Variants in ZNF483 observed in about 807,000 individuals in gnomAD.
ZNF483 encodes the protein zinc finger protein 483, also known as zinc finger protein HIT-10.
In ZNF483, 9 loss-of-function variants were observed where a neutral mutation model predicts 28.6. That is an observed-to-expected ratio of 0.32 (90% CI 0.19 to 0.55). The LOEUF (loss-of-function observed/expected upper bound fraction) is 0.55, where lower values mean the gene tolerates loss of function less well. Ranked by LOEUF, ZNF483 falls within the 20% of genes least tolerant of loss-of-function variation. The pLI is 0.93. For synonymous variants in ZNF483, 322 were observed against 306.2 expected, an observed-to-expected ratio of 1.05 and a Z score of -0.54; for missense variants, 675 against 871.7, an observed-to-expected ratio of 0.77 and a Z score of 2.84.
rs1589280731 is a variant in ZNF483, at chr9:111,550,215, T to C, written c.*7045T>C. On this transcript the variant is annotated 3_prime_UTR_variant, in exon 6 of 6. Coordinates refer to ENST00000309235, the MANE Select transcript of ZNF483 (RefSeq NM_133464.5). The stretch of plus-strand genomic sequence containing the variant: ...GGAGCAATGGCTTTCTGAATTCACC[T>C]AGATACACAGTTTTTTGAATGTCCA... Among the ~76,000 whole-genome samples the C allele has an allele frequency of 6.6e-6, 1 of 152,348 alleles. No homozygotes were observed. The highest frequency in any genetic ancestry group is 2.4e-5 in the African/African-American group (1 of 41,584).
At position 111,545,490 on chromosome 9, in the gene ZNF483, T is replaced by G. The variant is rs1827785381; in HGVS notation, c.*2320T>G. Reference sequence around the variant, plus strand: ...ACAATTCAGTGAGTTTTAGTAAATATGCTGAGTTGTGCAACCATTACCATA... The same window carrying G: ...ACAATTCAGTGAGTTTTAGTAAATAGGCTGAGTTGTGCAACCATTACCATA... On this transcript the variant is annotated 3_prime_UTR_variant, in exon 6 of 6. Coordinates refer to ENST00000309235, the MANE Select transcript of ZNF483 (RefSeq NM_133464.5). Among the ~76,000 whole-genome samples, 1 of 152,212 alleles carries G rather than the reference T, an allele frequency of 6.6e-6. No homozygotes were observed. Among genetic ancestry groups the G allele is most frequent in the African/African-American group, 2.4e-5 (1 of 41,458 alleles).
In ZNF483 at chr9:111,536,796, CT is replaced by C. The variant is rs1303818913; in HGVS notation, c.721+2445del. Among the ~76,000 whole-genome samples the C allele has an allele frequency of 3.3e-5, 5 of 152,098 alleles. No homozygotes were observed. The East Asian group carries it at 9.7e-4, about 29-fold the overall frequency. On this transcript the variant is annotated intron_variant, in intron 5 of 5. Coordinates refer to ENST00000309235, the MANE Select transcript of ZNF483 (RefSeq NM_133464.5). ...TAATAGCCTACTGTTGACCTGAAGC[CT>C]TATTGATAACATAAACATAATTACA...
At chr9:111,567,003 C>T (rs1369214330) in intron 5 of ZNF483, among the ~76,000 whole-genome samples, 1 of 151,728 alleles carries the variant, frequency 6.6e-6, no homozygotes, top group Non-Finnish European at 1.5e-5. Context: ...GTGGGAGAAT[C>T]CCCTGAGCCT....
chr9:111,533,085 A>G (rs928041575), intron 3 of ZNF483, among the ~76,000 whole-genome samples: 2 of 152,238 alleles, frequency 1.3e-5, no homozygotes, highest in African/African-American at 4.8e-5. Context: ...TGCAGATATT[A>G]TTGTACAGTT....
At chr9:111,558,898 T>A (rs1490791255), downstream of ZNF483, among the ~76,000 whole-genome samples, 1 of 152,196 alleles carries the variant, frequency 6.6e-6, no homozygotes, top group African/African-American at 2.4e-5. Flanking sequence ...TTATCTTTAA[T>A]TTACTTGTTT....
At position 111,544,766 on chromosome 9, in the gene ZNF483, T is replaced by C. The variant is rs1408063397; in HGVS notation, c.*1596T>C. 6.6e-6 allele frequency among the ~76,000 whole-genome samples: 1 copy of C among 152,196 alleles called. No homozygotes were observed. The highest frequency in any genetic ancestry group is 1.5e-5 in the Non-Finnish European group (1 of 68,028). The stretch of plus-strand genomic sequence containing the variant: ...GGAATATACGGGTATTGGTGGATTA[T>C]TCCTTATAAATTTCATTGGTGGAGT... On this transcript the variant is annotated 3_prime_UTR_variant, in exon 6 of 6. Transcript: ENST00000309235.
Position 111,570,150 on chromosome 9 carries a change from G to A in ZNF483, c.722-6215G>A, listed in dbSNP as rs752265017. 3.5e-5 allele frequency: 57 copies of A among 1,613,920 alleles called. 1 individual carries two copies. The highest frequency in any genetic ancestry group is 1.1e-4 in the East Asian group (5 of 44,884). ...TTTTGGCGGGCATCTCCTTGCCAGC[G>A]GTAGACGACAAAAGCTTCCATGCGA... On this transcript the variant is annotated intron_variant, in intron 5 of 5. Transcript: ENST00000358151.
rs1827883269 is a variant in ZNF483, at chr9:111,549,721, C to A, written c.*6551C>A. The stretch of plus-strand genomic sequence containing the variant: ...CTTTTGTAAAGTGGACCCTTGCCTT[C>A]TAAGGTAATGGTGAATGATACATAT... On this transcript the variant is annotated 3_prime_UTR_variant, in exon 6 of 6. Transcript: ENST00000309235. 6.5e-7 allele frequency: 1 copy of A among 1,547,694 alleles called. No individual in the cohort carries two copies. The highest frequency in any genetic ancestry group is 1.4e-5 in the African/African-American group (1 of 72,732).
Position 111,546,125 on chromosome 9 carries a change from G to A in ZNF483, c.*2955G>A, listed in dbSNP as rs1404529621. ...GCGTTTGAAATGATATTCCTTTGTG[G>A]TTTTAACTTTGATTTTCCTGATGGC... On this transcript the variant is annotated 3_prime_UTR_variant, in exon 6 of 6. Coordinates refer to ENST00000309235, the MANE Select transcript of ZNF483 (RefSeq NM_133464.5). Among the ~76,000 whole-genome samples the A allele has an allele frequency of 2.6e-5, 4 of 152,072 alleles. No individual in the cohort carries two copies. Among genetic ancestry groups the A allele is most frequent in the African/African-American group, 7.2e-5 (3 of 41,394 alleles).
Position 111,543,960 on chromosome 9 carries a change from A to T in ZNF483, c.*790A>T. ...TTCTAGCTTAGTGAGAATGCAGTATACTTTTTGAAAACTTCGTGCAGGAAT... is the reference window on the plus strand; with the variant it reads ...TTCTAGCTTAGTGAGAATGCAGTATTCTTTTTGAAAACTTCGTGCAGGAAT... On this transcript the variant is annotated 3_prime_UTR_variant, in exon 6 of 6. Coordinates refer to ENST00000309235, the MANE Select transcript of ZNF483 (RefSeq NM_133464.5). 1.0e-6 allele frequency: 1 copy of T among 985,280 alleles called. No individual in the cohort carries two copies. The highest frequency in any genetic ancestry group is 1.2e-6 in the Non-Finnish European group (1 of 829,940). The allele number at this position is 985,280 out of a possible 1,614,324, so 61.0% of individuals were successfully genotyped here.
intron 3 of ZNF483, among the ~76,000 whole-genome samples, chr9:111,531,260 AT>A (rs1396357584): frequency 2.6e-5 from 4 of 152,154 alleles, no homozygotes; most frequent in African/African-American, 7.2e-5. Context: ...TCCACATGCA[AT>A]TTTGTTTCAG....
Position 111,563,014 on chromosome 9 carries a change from G to T in ZNF483, c.722-13351G>T, listed in dbSNP as rs543647832. ...TTATTAAGTAGCTCAAACTCATTAT[G>T]AGTACTATTTCTTAAGACATTTAAG... On this transcript the variant is annotated intron_variant, in intron 5 of 5. Transcript: ENST00000358151. 6.1e-6 allele frequency: 9 copies of T among 1,468,254 alleles called. No homozygotes were observed. In the African/African-American group the frequency reaches 1.3e-4, roughly 21 times the overall value. 91.0% of individuals were successfully genotyped at this position (1,468,254 alleles called of 1,614,324 possible).
At chr9:111,530,199 A>G (rs879793449) in intron 2 of ZNF483, among the ~76,000 whole-genome samples, 3 of 152,170 alleles carry the variant, frequency 2.0e-5, no homozygotes, top group South Asian at 2.1e-4. Flanking sequence ...ATGCCTGTCT[A>G]TGAAGCTTCC....
intron 5 of ZNF483, among the ~76,000 whole-genome samples, chr9:111,536,214 T>C (rs1467443476): frequency 2.0e-5 from 3 of 151,308 alleles, no homozygotes; most frequent in Admixed American, 2.0e-4. Flanking sequence ...ATATATTAAA[T>C]TTACATTTAA....
chr9:111,565,992 A>G (rs1828544494), intron 5 of ZNF483, among the ~76,000 whole-genome samples: 1 of 152,124 alleles, frequency 6.6e-6, no homozygotes, highest in Non-Finnish European at 1.5e-5. Context: ...CAGGAGAATC[A>G]CTTGAGGTCA....
intron 1 of ZNF483, among the ~76,000 whole-genome samples, chr9:111,526,648 A>G (rs1029176757): frequency 2.0e-5 from 3 of 152,168 alleles, no homozygotes; most frequent in Non-Finnish European, 4.4e-5. Context: ...CTAGTGAGAA[A>G]TGTGTGCCCT....
chr9:111,569,005 G>C lies in ZNF483; in HGVS notation c.722-7360G>C, dbSNP rs181947823. Among the ~76,000 whole-genome samples, 50 of 152,346 alleles carry C rather than the reference G, an allele frequency of 3.3e-4. 1 individual carries two copies. Among genetic ancestry groups the C allele is most frequent in the African/African-American group, 1.1e-3 (45 of 41,580 alleles). ...AAGATGACCAAGGCTTTTGGATTGA[G>C]AAACTAGAAGTATAGAATTGTTATA... On this transcript the variant is annotated intron_variant, in intron 5 of 5. Transcript: ENST00000358151.
At chr9:111,576,516 A>G (rs543132407) in exon 6 of ZNF483, 2 of 1,505,074 alleles carry the variant, frequency 1.3e-6, no homozygotes, top group Non-Finnish European at 1.8e-6. Context: ...GAAGAGCTGG[A>G]TGGAGTATGA....
downstream of ZNF483, among the ~76,000 whole-genome samples, chr9:111,555,612 C>T (rs752080439): frequency 6.6e-6 from 1 of 152,154 alleles, no homozygotes; most frequent in Non-Finnish European, 1.5e-5. Flanking sequence ...CAGGAACTTA[C>T]AGTCATGGCA....
Sources: allele counts gnomAD v4.1 joint callset (sites outside exome capture counted in the v4.1 genomes callset), GRCh38; gene constraint gnomAD v4.1.1; transcripts MANE v1.5; gene names NCBI Gene and HGNC (gene_info 2026-07-23, HGNC 2026-07-21).